SCGB2B2: variants seen among roughly 807,000 people sequenced by gnomAD.
SCGB2B2 encodes secretoglobin family 2B member 2.
SCGB2B2 carries 11 observed loss-of-function variants against 7.6 expected under a neutral mutation model. That is an observed-to-expected ratio of 1.45 (90% CI 0.91 to 2.40). The LOEUF (loss-of-function observed/expected upper bound fraction) is 2.40. SCGB2B2 is among the 30% of genes most tolerant of loss of function. The probability of loss-of-function intolerance (pLI) is 0.00; values close to 1 mark genes in which losing one functional copy is unlikely to be tolerated. For missense variants in SCGB2B2, 104 were observed against 115.4 expected (o/e 0.90, Z 0.45); for synonymous variants, 50 against 48.6 (o/e 1.03, Z -0.12).
chr19:34,622,173 TG>T, intron 1 of SCGB2B2, among the ~76,000 whole-genome samples: 1 of 152,220 alleles, frequency 6.6e-6, no homozygotes, highest in Non-Finnish European at 1.5e-5. Context: ...TCAAGCTCCT[TG>T]CTTAGGTAAC....
chr19:34,611,001 T>C (rs932981274), intron 1 of SCGB2B2, among the ~76,000 whole-genome samples: 3 of 152,132 alleles, frequency 2.0e-5, no homozygotes, highest in Non-Finnish European at 4.4e-5. Flanking sequence ...TCTCATTACT[T>C]GCAATTGCTC....
At chr19:34,660,445 GCAAA>G (rs1295627354) in intron 1 of SCGB2B2, among the ~76,000 whole-genome samples, 3 of 151,956 alleles carry the variant, frequency 2.0e-5, no homozygotes, top group Non-Finnish European at 4.4e-5. Flanking sequence ...CAAGAAAAAA[GCAAA>G]CAACCCCATC....
intron 1 of SCGB2B2, among the ~76,000 whole-genome samples, chr19:34,643,816 T>C (rs2066912976): frequency 6.6e-6 from 1 of 151,946 alleles, no homozygotes; most frequent in Admixed American, 6.5e-5. Context: ...AAAATATTAA[T>C]TTAAGGAGAA....
At chr19:34,665,800 G>A (rs1406852278) in intron 1 of SCGB2B2, among the ~76,000 whole-genome samples, 4 of 152,154 alleles carry the variant, frequency 2.6e-5, no homozygotes, top group East Asian at 1.9e-4. Flanking sequence ...CCAGCCCTGG[G>A]AGGCCCAGAG....
chr19:34,625,968 C>T (rs771263566), intron 1 of SCGB2B2, among the ~76,000 whole-genome samples: 33 of 152,274 alleles, frequency 2.2e-4, no homozygotes, highest in Non-Finnish European at 4.0e-4. Flanking sequence ...CACCCATATC[C>T]GCTGTTCTGC....
rs1200568115 is a variant in SCGB2B2 at position 34,596,348 on chromosome 19, C to G, written c.-1785G>C. 3.3e-5 allele frequency: 5 copies of G among 152,450 alleles called. 1 individual carries two copies. Among genetic ancestry groups the G allele is most frequent in the Non-Finnish European group, 7.3e-5 (5 of 68,160 alleles). 9.4% of individuals were successfully genotyped at this position (152,450 alleles called of 1,614,324 possible). Reference sequence around the variant, plus strand: ...GTCCTGCAGCCTGGGCTGCAACCTGCGCAGTGCAGGCGTCCATGCGTGCTG... The same window carrying G: ...GTCCTGCAGCCTGGGCTGCAACCTGGGCAGTGCAGGCGTCCATGCGTGCTG... On this transcript the variant is annotated 5_prime_UTR_variant, in exon 2 of 4. Transcript: ENST00000601241.
At position 34,672,090 on chromosome 19, in the gene SCGB2B2, A is replaced by G. The variant is rs138146441; in HGVS notation, c.-2032+3540T>C. Among the ~76,000 whole-genome samples, 273 of 152,330 alleles carry G rather than the reference A, an allele frequency of 1.8e-3. 3 individuals are homozygous for G. The East Asian group carries it at 0.038, about 21-fold the overall frequency. The stretch of plus-strand genomic sequence containing the variant: ...CAGGAGTTCAAGACTTCAGTGAGCC[A>G]TGATGGGGCCAATGCACTCCAGGTG... On this transcript the variant is annotated intron_variant, in intron 1 of 3. Coordinates refer to ENST00000601241, the MANE Select transcript of SCGB2B2 (RefSeq NM_001025591.4).
At chr19:34,598,459 A>T (rs889903161) in intron 1 of SCGB2B2, among the ~76,000 whole-genome samples, 1 of 149,880 alleles carries the variant, frequency 6.7e-6, no homozygotes, top group Non-Finnish European at 1.5e-5. Flanking sequence ...AGGTGAGGTC[A>T]CTAGAGGGGA....
rs1353739991 is a variant in SCGB2B2, at chr19:34,595,599, G to A, written c.-1036C>T. 4 of 152,338 alleles carry A rather than the reference G, an allele frequency of 2.6e-5. No homozygotes were observed. The highest frequency in any genetic ancestry group is 4.4e-5 in the Non-Finnish European group (3 of 68,046). 9.4% of individuals were successfully genotyped at this position (152,338 alleles called of 1,614,324 possible). ...AGACAGCGGGTCTTGCTCTGAGCAT[G>A]GGAACATGATGGCAATTAGGAGGCT... On this transcript the variant is annotated 5_prime_UTR_variant, in exon 2 of 4. Transcript: ENST00000601241.
chr19:34,630,485 C>T (rs1370719083), intron 1 of SCGB2B2, among the ~76,000 whole-genome samples: 8 of 151,936 alleles, frequency 5.3e-5, no homozygotes, highest in Admixed American at 3.3e-4. Flanking sequence ...AAAAAAGACA[C>T]TTATGCAGCC....
intron 1 of SCGB2B2, among the ~76,000 whole-genome samples, chr19:34,628,082 A>G (rs185569502): frequency 6.6e-6 from 1 of 152,272 alleles, no homozygotes; most frequent in Admixed American, 6.5e-5. Flanking sequence ...ACGAGAACAA[A>G]GACACAACAT....
chr19:34,659,049 T>C (rs1473676305), intron 1 of SCGB2B2, among the ~76,000 whole-genome samples: 3 of 152,134 alleles, frequency 2.0e-5, no homozygotes, highest in African/African-American at 7.2e-5. Context: ...CACATGATTA[T>C]CTCAATGGAT....
downstream of SCGB2B2, among the ~76,000 whole-genome samples, chr19:34,587,680 C>A (rs753464488): frequency 6.6e-6 from 1 of 152,130 alleles, no homozygotes; most frequent in African/African-American, 2.4e-5. Flanking sequence ...TGCCATACAT[C>A]GATTTATTGT....
intron 1 of SCGB2B2, among the ~76,000 whole-genome samples, chr19:34,657,115 T>C (rs1224796368): frequency 2.0e-5 from 3 of 151,390 alleles, no homozygotes; most frequent in Non-Finnish European, 2.9e-5. Flanking sequence ...TACTTTTCTA[T>C]ATGGCAGCAC....
chr19:34,594,106 A>G, intron 3 of SCGB2B2, 69 bp downstream of exon 3: 1 of 1,241,728 alleles, frequency 8.1e-7, no homozygotes, highest in South Asian at 1.4e-5. Context: ...ATGGAAGGCA[A>G]GTGCAGGGAA....
downstream of SCGB2B2, among the ~76,000 whole-genome samples, chr19:34,585,998 T>C (rs914044220): frequency 1.3e-5 from 2 of 152,238 alleles, no homozygotes; most frequent in African/African-American, 2.4e-5. Flanking sequence ...CAATTACATA[T>C]ACCTAAAGTG....
rs1272227836 is a variant in SCGB2B2 at position 34,593,595 on chromosome 19, T to C, written c.251A>G (p.Lys84Arg). 1.3e-6 allele frequency: 2 copies of C among 1,552,728 alleles called. No homozygotes were observed. The highest frequency in any genetic ancestry group is 3.9e-5 in the Admixed American group (2 of 51,360). ...ERFAHSVVIK[K>R]ILQSNDCIEA... is the part of the protein sequence containing the mutation. ...TATGCAATCGTTGCTCTGAAGGATC[T>C]TCTTCTGTTGGAAAAAGAAGAAAGA... is the stretch of plus-strand genomic sequence containing the variant. The change falls in exon 4 of 4, where the codon AAG (lysine) becomes AGG (arginine). Residue 84 changes from lysine to arginine, a missense_variant. By Grantham distance (26) the Lys-to-Arg change is conservative. Coordinates refer to ENST00000601241, the MANE Select transcript of SCGB2B2 (RefSeq NM_001025591.4).
chr19:34,598,052 G>A (rs73038284), intron 1 of SCGB2B2, among the ~76,000 whole-genome samples: 12,597 of 152,126 alleles, frequency 0.083, 688 homozygotes, highest in East Asian at 0.23. Flanking sequence ...GGTGGTAGGT[G>A]AGTGGCAGAG....
At position 34,676,032 on chromosome 19, in the gene SCGB2B2, G is replaced by C. The variant is rs1198102501; in HGVS notation, c.-2434C>G. The C allele has an allele frequency of 6.6e-6, 1 of 152,222 alleles. No homozygotes were observed. The highest frequency in any genetic ancestry group is 2.4e-5 in the African/African-American group (1 of 41,442). 9.4% of individuals were successfully genotyped at this position (152,222 alleles called of 1,614,324 possible). On this transcript the variant is annotated 5_prime_UTR_variant, in exon 1 of 4. Transcript: ENST00000601241. ...ACACCTGGGAAGTAGACCCCAGCGC[G>C]GTTGCCGCTGGTTGTTCGGGTGGCC...
Sources: gnomAD v4.1 joint callset for allele counts (sites outside exome capture counted in the v4.1 genomes callset) on GRCh38, gnomAD v4.1.1 for gene constraint, MANE v1.5 for transcripts, NCBI Gene and HGNC (gene_info 2026-07-23, HGNC 2026-07-21) for gene names.